KIAA1217: variants seen among roughly 807,000 people sequenced by gnomAD.
KIAA1217 encodes sickle tail protein homolog.
KIAA1217 carries 88 observed loss-of-function variants against 163.9 expected under a neutral mutation model. That is an observed-to-expected ratio of 0.54 (90% confidence interval 0.45 to 0.64). KIAA1217 has a LOEUF of 0.64. Among genes scored for constraint, KIAA1217 ranks in the 30% least tolerant of loss-of-function variants. The probability of loss-of-function intolerance (pLI) is 0.00; values close to 1 mark genes in which losing one functional copy is unlikely to be tolerated. For synonymous variants in KIAA1217, 903 were observed against 923.1 expected, an observed-to-expected ratio of 0.98 and a Z score of 0.39; for missense variants, 2,372 against 2,475.0, an observed-to-expected ratio of 0.96 and a Z score of 0.88.
At chr10:23,783,474 T>C (rs530284685) in intron 1 of KIAA1217, among the ~76,000 whole-genome samples, 1 of 152,336 alleles carries the variant, frequency 6.6e-6, no homozygotes, top group African/African-American at 2.4e-5. Context: ...TGGTATCTAA[T>C]TGAGGATTTT....
At chr10:24,376,408 T>C (rs1443726816) in intron 2 of KIAA1217, among the ~76,000 whole-genome samples, 1 of 152,202 alleles carries the variant, frequency 6.6e-6, no homozygotes, top group East Asian at 1.9e-4. Flanking sequence ...AACGAGGTTA[T>C]ATGTGGACCA....
At position 24,395,397 on chromosome 10, in the gene KIAA1217, A is replaced by G. The variant is rs537256566; in HGVS notation, c.553+14330A>G. 3.3e-5 allele frequency among the ~76,000 whole-genome samples: 5 copies of G among 152,210 alleles called. No individual in the cohort carries two copies. The South Asian group carries it at 1.0e-3, about 32-fold the overall frequency. On this transcript the variant is annotated intron_variant, in intron 3 of 20. Transcript: ENST00000376454. ...ACATACATCCCAAGTTACTTCATTC[A>G]AGGATTTCCCACACCAGTGTCCTGC...
chr10:24,039,170 T>G (rs766885375), intron 2 of KIAA1217, among the ~76,000 whole-genome samples: 2 of 151,964 alleles, frequency 1.3e-5, no homozygotes, highest in Non-Finnish European at 2.9e-5. Context: ...GATTCTATAG[T>G]CTCTCAGGTT....
Position 24,235,242 on chromosome 10 carries a change from G to A in KIAA1217, c.354+15333G>A, listed in dbSNP as rs118153938. Among the ~76,000 whole-genome samples the A allele has an allele frequency of 2.1e-3, 318 of 152,196 alleles. 8 individuals carry two copies. Among genetic ancestry groups the A allele is most frequent in the East Asian group, 0.019 (98 of 5,174 alleles). The stretch of plus-strand genomic sequence containing the variant: ...GCAACATCTACACTGGTGTTTGACC[G>A]AACAACTGGGCACCATAACCTGGCC... On this transcript the variant is annotated intron_variant, in intron 2 of 20. Coordinates refer to ENST00000376454, the MANE Select transcript of KIAA1217 (RefSeq NM_019590.5).
At chr10:24,081,607 T>C (rs2061540539) in intron 2 of KIAA1217, among the ~76,000 whole-genome samples, 1 of 152,094 alleles carries the variant, frequency 6.6e-6, no homozygotes, top group African/African-American at 2.4e-5. Context: ...GTCTGCACAG[T>C]CTAAAACAGA....
In KIAA1217 at chr10:24,543,374, A is replaced by C; in HGVS notation, c.4104A>C (p.Ser1368=). 6.2e-7 allele frequency: 1 copy of C among 1,614,198 alleles called. No homozygotes were observed. Among genetic ancestry groups the C allele is most frequent in the East Asian group, 2.2e-5 (1 of 44,878 alleles). Reference sequence around the variant, plus strand: ...TGAACCCTAATGAGGATGGAGAATCAAGTTCAAGTTCTCCCACTGAAGAAA... The same window carrying C: ...TGAACCCTAATGAGGATGGAGAATCCAGTTCAAGTTCTCCCACTGAAGAAA... The part of the protein sequence containing the change: ...ANVNPNEDGE[S]SSSSPTEENA... Residue 1368 remains serine (S), a synonymous_variant, in exon 19 of 21, where the codon TCA becomes TCC. Transcript: ENST00000376454.
chr10:24,525,076 C>T lies in KIAA1217; in HGVS notation c.2898+312C>T, dbSNP rs926139092. On this transcript the variant is annotated intron_variant, in intron 13 of 20. Transcript: ENST00000376454. Reference sequence around the variant, plus strand: ...ACCAGCTCTCTGGTAGCGGTTGTGGCGGCGGGGTGGGGGGGCAGAGTGGGT... The same window carrying T: ...ACCAGCTCTCTGGTAGCGGTTGTGGTGGCGGGGTGGGGGGGCAGAGTGGGT... Among the ~76,000 whole-genome samples, 8 of 144,468 alleles carry T rather than the reference C, an allele frequency of 5.5e-5. No individual in the cohort carries two copies. In the East Asian group the frequency reaches 6.3e-4, roughly 11 times the overall value. 94.8% of individuals were successfully genotyped at this position (144,468 alleles called of 152,430 possible).
intron 2 of KIAA1217, among the ~76,000 whole-genome samples, chr10:24,021,999 A>G (rs894842008): frequency 6.6e-6 from 1 of 151,854 alleles, no homozygotes; most frequent in Non-Finnish European, 1.5e-5. Context: ...AAGATAATAT[A>G]GGAGAAAATC....
At chr10:23,733,806 G>A (rs1157130206) in intron 1 of KIAA1217, among the ~76,000 whole-genome samples, 1 of 152,010 alleles carries the variant, frequency 6.6e-6, no homozygotes, top group African/African-American at 2.4e-5. Context: ...GTGTTAATTT[G>A]CAGTAACTTA....
At chr10:23,754,250 C>T (rs1833804609) in intron 1 of KIAA1217, among the ~76,000 whole-genome samples, 1 of 152,112 alleles carries the variant, frequency 6.6e-6, no homozygotes, top group African/African-American at 2.4e-5. Flanking sequence ...GCATCAGAGA[C>T]AATCATGTCA....
chr10:23,804,856 C>T (rs551795246), intron 1 of KIAA1217, among the ~76,000 whole-genome samples: 6 of 152,302 alleles, frequency 3.9e-5, no homozygotes, highest in Admixed American at 1.3e-4. Context: ...CCTTAATATG[C>T]ACTCAATACT....
intron 1 of KIAA1217, among the ~76,000 whole-genome samples, chr10:23,794,052 C>A (rs1836085918): frequency 6.6e-6 from 1 of 152,176 alleles, no homozygotes; most frequent in African/African-American, 2.4e-5. Flanking sequence ...TATCCTTTAA[C>A]ATCGTAAGAT....
intron 1 of KIAA1217, among the ~76,000 whole-genome samples, chr10:23,946,799 C>G (rs1480565219): frequency 5.9e-5 from 9 of 152,080 alleles, no homozygotes; most frequent in South Asian, 2.1e-4. Flanking sequence ...TTGGAGAGAC[C>G]ATTTTTATTT....
In KIAA1217 at chr10:24,283,021, C is replaced by T. The variant is rs571145921; in HGVS notation, c.354+63112C>T. 2.0e-4 allele frequency among the ~76,000 whole-genome samples: 31 copies of T among 151,508 alleles called. No homozygotes were observed. In the East Asian group the frequency reaches 3.6e-3, roughly 17 times the overall value. ...GATAATTTTGTATTTTTAGTAGAGA[C>T]GGGGTTTCTCCATGTTGGTCTGGCT... On this transcript the variant is annotated intron_variant, in intron 2 of 20. Coordinates refer to ENST00000376454, the MANE Select transcript of KIAA1217 (RefSeq NM_019590.5).
chr10:24,267,462 A>G (rs1417439766), intron 2 of KIAA1217, among the ~76,000 whole-genome samples: 3 of 152,196 alleles, frequency 2.0e-5, no homozygotes, highest in Non-Finnish European at 1.5e-5. Flanking sequence ...ATCTGTATCT[A>G]TAACTATATA....
intron 5 of KIAA1217, among the ~76,000 whole-genome samples, chr10:24,470,744 A>T (rs2063423945): frequency 6.6e-6 from 1 of 152,146 alleles, no homozygotes; most frequent in African/African-American, 2.4e-5. Flanking sequence ...CAGGTCATGT[A>T]TTCAAAAAGG....
At chr10:24,512,237 C>G (rs1389088326) in intron 9 of KIAA1217, among the ~76,000 whole-genome samples, 3 of 152,100 alleles carry the variant, frequency 2.0e-5, no homozygotes. Context: ...GGACAGTTGA[C>G]AAAGACATCA....
intron 1 of KIAA1217, among the ~76,000 whole-genome samples, chr10:24,211,678 G>A (rs1015533416): frequency 6.6e-6 from 1 of 151,346 alleles, no homozygotes; most frequent in Middle Eastern, 3.2e-3. Flanking sequence ...GGTAATACTG[G>A]GTGCTGTATT....
chr10:24,400,886 T>G (rs528901603), intron 3 of KIAA1217, among the ~76,000 whole-genome samples: 5 of 150,894 alleles, frequency 3.3e-5, no homozygotes, highest in Admixed American at 3.3e-4. Flanking sequence ...AGAGAATAGA[T>G]GAGAATTTTT....
Sources: allele counts gnomAD v4.1 joint callset (sites outside exome capture counted in the v4.1 genomes callset), GRCh38; gene constraint gnomAD v4.1.1; transcripts MANE v1.5; gene names NCBI Gene and HGNC (gene_info 2026-07-23, HGNC 2026-07-21).